The following KLHL26 variants were observed in gnomAD, a reference collection of about 807,000 sequenced individuals.
KLHL26 encodes kelch-like protein 26.
In KLHL26, 4 loss-of-function variants were observed where a neutral mutation model predicts 7.1. That is an observed-to-expected ratio of 0.56 (90% CI 0.28 to 1.28). The LOEUF is 1.28. Among genes scored for constraint, KLHL26 ranks in the 50% most tolerant of loss-of-function variants. KLHL26 has a pLI of 0.11. For synonymous variants in KLHL26, 465 were observed against 414.1 expected, an observed-to-expected ratio of 1.12 and a Z score of -1.49; for missense variants, 896 against 924.6, an observed-to-expected ratio of 0.97 and a Z score of 0.40.
chr19:18,668,916 G>C lies in KLHL26; in HGVS notation c.1519G>C (p.Gly507Arg). The change falls in exon 3 of 3, where the codon GGC (glycine) becomes CGC (arginine). Residue 507 changes from glycine (G) to arginine (R), a missense_variant. Transcript: ENST00000300976. ...CGTGCTACACGCCATGGTGGGTGCC[G>C]GCGGCCGCATCTATGCCCTCGGGGG... ...PRVLHAMVGA[G>R]GRIYALGGRM... 6.2e-7 allele frequency: 1 copy of C among 1,605,966 alleles called. No individual in the cohort carries two copies. The highest frequency in any genetic ancestry group is 2.2e-5 in the East Asian group (1 of 44,870).
chr19:18,662,524 G>A (rs2052401945), intron 1 of KLHL26, among the ~76,000 whole-genome samples: 1 of 152,228 alleles, frequency 6.6e-6, no homozygotes, highest in Non-Finnish European at 1.5e-5. Context: ...TGCAAAGCCA[G>A]TGAGGCAAAC....
At chr19:18,665,905 C>G (rs2052443128) in intron 2 of KLHL26, among the ~76,000 whole-genome samples, 1 of 152,228 alleles carries the variant, frequency 6.6e-6, no homozygotes, top group Admixed American at 6.5e-5. Context: ...GGCCGCCTGC[C>G]CCATGGGCTC....
chr19:18,641,517 C>T (rs933534649), intron 1 of KLHL26, among the ~76,000 whole-genome samples: 29 of 151,146 alleles, frequency 1.9e-4, no homozygotes, highest in African/African-American at 6.8e-4. Context: ...CGGGGTTTCA[C>T]CATGTTGGCT....
chr19:18,658,046 C>T (rs1180636371), intron 1 of KLHL26, among the ~76,000 whole-genome samples: 1 of 150,558 alleles, frequency 6.6e-6, no homozygotes, highest in Non-Finnish European at 1.5e-5. Context: ...TGCCTCTTTG[C>T]ACCTTTTACC....
At chr19:18,651,172 T>C (rs1158295134) in intron 1 of KLHL26, among the ~76,000 whole-genome samples, 1 of 152,190 alleles carries the variant, frequency 6.6e-6, no homozygotes, top group Non-Finnish European at 1.5e-5. Flanking sequence ...GGCTCCCTTC[T>C]TTCAGCTCTG....
At chr19:18,653,372 A>G (rs925784001) in intron 1 of KLHL26, among the ~76,000 whole-genome samples, 6 of 64,872 alleles carry the variant, frequency 9.2e-5, no homozygotes, top group African/African-American at 3.8e-4. Context: ...CCACCCCACC[A>G]CCCACCCACC....
chr19:18,644,317 GAT>G (rs1235540985), intron 1 of KLHL26, among the ~76,000 whole-genome samples: 2 of 152,208 alleles, frequency 1.3e-5, no homozygotes, highest in Non-Finnish European at 2.9e-5. Flanking sequence ...TGGACACTTA[GAT>G]TGGTTCCACC....
chr19:18,651,139 A>G (rs1424376097), intron 1 of KLHL26, among the ~76,000 whole-genome samples: 1 of 152,124 alleles, frequency 6.6e-6, no homozygotes, highest in Non-Finnish European at 1.5e-5. Context: ...GTTGGGGTGC[A>G]AGGTCTGAAG....
In KLHL26 at chr19:18,650,912, G is replaced by A. The variant is rs1034204999; in HGVS notation, c.84-13349G>A. Among the ~76,000 whole-genome samples, 3 of 152,168 alleles carry A rather than the reference G, an allele frequency of 2.0e-5. No homozygotes were observed. The highest frequency in any genetic ancestry group is 7.2e-5 in the African/African-American group (3 of 41,436). ...CCTGACCCCTCAGCCCCGGTAGGAA[G>A]CTGGTGTGCACTGCAGGGAGAGGCG... On this transcript the variant is annotated intron_variant, in intron 1 of 2. Transcript: ENST00000300976. The surrounding 1 kb of genome is among the most constrained non-coding windows in gnomAD (Gnocchi z 4.2).
rs3752218 is a variant in KLHL26, at chr19:18,650,403, C to T, written c.83+13266C>T. 0.097 allele frequency among the ~76,000 whole-genome samples: 14,712 copies of T among 152,114 alleles called. 892 individuals are homozygous for T. Among genetic ancestry groups the T allele is most frequent in the Non-Finnish European group, 0.14 (9,248 of 67,946 alleles). On this transcript the variant is annotated intron_variant, in intron 1 of 2. Coordinates refer to ENST00000300976, the MANE Select transcript of KLHL26 (RefSeq NM_018316.3). This position sits in a 1 kb window ranked among gnomAD's most constrained non-coding sequence, Gnocchi z 4.2. ...GCCCCACAGAGGACCCCCAAGACAC[C>T]CTCTCTGTTGCCATCAGCCTGAGTC...
intron 2 of KLHL26, 130 bp from the exon 3 acceptor site, chr19:18,667,534 T>C: frequency 6.9e-7 from 1 of 1,439,056 alleles, no homozygotes; most frequent in Non-Finnish European, 9.2e-7. Flanking sequence ...GCATTCCGCC[T>C]ACTTTCCTCT....
intron 1 of KLHL26, among the ~76,000 whole-genome samples, chr19:18,639,035 T>C (rs575865473): frequency 1.3e-5 from 2 of 152,186 alleles, no homozygotes; most frequent in East Asian, 3.9e-4. Flanking sequence ...TATCAAGATA[T>C]AATTAATTGC....
intron 1 of KLHL26, among the ~76,000 whole-genome samples, chr19:18,664,002 C>A (rs1368236181): frequency 6.6e-6 from 1 of 152,164 alleles, no homozygotes; most frequent in Non-Finnish European, 1.5e-5. Context: ...CCACCTCTGT[C>A]TAGTTCCAGA....
chr19:18,660,118 C>A (rs2052377433), intron 1 of KLHL26, among the ~76,000 whole-genome samples: 1 of 152,196 alleles, frequency 6.6e-6, no homozygotes, highest in South Asian at 2.1e-4. Context: ...CCCACCCAGG[C>A]TCCCTGGATG....
chr19:18,659,299 G>T (rs1021913765), intron 1 of KLHL26, among the ~76,000 whole-genome samples: 6 of 152,184 alleles, frequency 3.9e-5, no homozygotes, highest in African/African-American at 1.2e-4. Flanking sequence ...TTGGGCAGTG[G>T]CTTCTCAGCC....
rs1396241602 is a variant in KLHL26 at position 18,671,313 on chromosome 19, G to A, written c.*2068G>A. 6.6e-6 allele frequency: 1 copy of A among 152,220 alleles called. No individual in the cohort carries two copies. The highest frequency in any genetic ancestry group is 1.5e-5 in the Non-Finnish European group (1 of 68,056). 9.4% of individuals were successfully genotyped at this position (152,220 alleles called of 1,614,324 possible). ...GAACATGGTTGGGAACCTAAAAGAA[G>A]CCCACACTGTCAGGGGCATCGAGAC... is the stretch of plus-strand genomic sequence containing the variant. On this transcript the variant is annotated 3_prime_UTR_variant, in exon 3 of 3. Coordinates refer to ENST00000300976, the MANE Select transcript of KLHL26 (RefSeq NM_018316.3).
intron 1 of KLHL26, among the ~76,000 whole-genome samples, chr19:18,642,663 T>A (rs990855240): frequency 6.7e-6 from 1 of 149,350 alleles, no homozygotes; most frequent in Admixed American, 6.7e-5. Flanking sequence ...TGCGCCCGGC[T>A]TGTGGTTTTT....
rs374837450 is a variant in KLHL26, at chr19:18,668,079, C to T, written c.682C>T (p.Arg228Cys). The T allele has an allele frequency of 5.0e-5, 81 of 1,605,706 alleles. No homozygotes were observed. The highest frequency in any genetic ancestry group is 5.8e-5 in the Non-Finnish European group (68 of 1,179,872). ...LQSCAEIDLFRAAVRWLQHDP... is the reference protein window; with the variant it reads ...LQSCAEIDLFCAAVRWLQHDP... The stretch of plus-strand genomic sequence containing the variant: ...GAGCTGTGCCGAGATCGACCTGTTC[C>T]GCGCGGCCGTCCGCTGGCTGCAGCA... Residue 228 changes from arginine (R) to cysteine (C), a missense_variant, in exon 3 of 3, where the codon CGC becomes TGC. Physicochemically the swap from Arg to Cys is radical, Grantham distance 180 (BLOSUM62 -3). Coordinates refer to ENST00000300976, the MANE Select transcript of KLHL26 (RefSeq NM_018316.3).
intron 1 of KLHL26, among the ~76,000 whole-genome samples, chr19:18,662,890 C>A (rs1425597296): frequency 6.6e-6 from 1 of 152,046 alleles, no homozygotes; most frequent in Non-Finnish European, 1.5e-5. Context: ...AGCGTCCCTT[C>A]CACTTGGCAG....
Sources: allele counts gnomAD v4.1 joint callset (sites outside exome capture counted in the v4.1 genomes callset), GRCh38; gene constraint gnomAD v4.1.1; non-coding constraint Gnocchi (gnomAD v3.1); transcripts MANE v1.5; gene names NCBI Gene and HGNC (gene_info 2026-07-23, HGNC 2026-07-21).